The following CFAP299 variants were observed in gnomAD, a reference collection of about 807,000 sequenced individuals.
The protein encoded by CFAP299 is cilia- and flagella-associated protein 299.
Under a neutral mutation model 27.0 loss-of-function variants are expected in CFAP299, and 21 were observed. The ratio of observed to expected loss-of-function variants is 0.78; its 90% CI spans 0.55 to 1.12. The LOEUF is 1.12. CFAP299 is among the 50% of genes most tolerant of loss of function. The probability of loss-of-function intolerance (pLI) is 0.00; values close to 1 mark genes in which losing one functional copy is unlikely to be tolerated. For missense variants in CFAP299, 310 were observed against 276.6 expected (o/e 1.12, Z -0.86); for synonymous variants, 104 against 98.1 (o/e 1.06, Z -0.36).
chr4:80,439,081 A>T (rs1470078844), intron 2 of CFAP299, among the ~76,000 whole-genome samples: 1 of 152,234 alleles, frequency 6.6e-6, no homozygotes, highest in African/African-American at 2.4e-5. Flanking sequence ...TAGCGAAGAC[A>T]CTATACTGTT....
At chr4:80,484,418 C>T (rs1242974465) in intron 2 of CFAP299, among the ~76,000 whole-genome samples, 1 of 152,098 alleles carries the variant, frequency 6.6e-6, no homozygotes, top group Non-Finnish European at 1.5e-5. Context: ...TAATTAACTT[C>T]TATCAAAGAA....
intron 3 of CFAP299, among the ~76,000 whole-genome samples, chr4:80,686,343 C>G (rs966716487): frequency 3.3e-5 from 5 of 152,160 alleles, no homozygotes; most frequent in African/African-American, 7.2e-5. Context: ...AAGGGAGGAG[C>G]CTTTGGCTCA....
intron 2 of CFAP299, among the ~76,000 whole-genome samples, chr4:80,394,063 G>A (rs1373617060): frequency 6.6e-6 from 1 of 152,058 alleles, no homozygotes; most frequent in African/African-American, 2.4e-5. Flanking sequence ...TCTCTTTCCT[G>A]TTGCCTTGTG....
At chr4:80,386,207 C>A in intron 2 of CFAP299, 1 of 940,358 alleles carries the variant, frequency 1.1e-6, no homozygotes, top group Non-Finnish European at 1.6e-6. Context: ...TAGATGAGCA[C>A]AGCGAGCATG....
intron 2 of CFAP299, among the ~76,000 whole-genome samples, chr4:80,512,323 G>T (rs1732349879): frequency 6.6e-6 from 1 of 151,956 alleles, no homozygotes; most frequent in Admixed American, 6.6e-5. Context: ...TTCCCACTAA[G>T]CTGAAGCAAG....
chr4:80,438,911 T>C (rs988388574), intron 2 of CFAP299, among the ~76,000 whole-genome samples: 4 of 152,236 alleles, frequency 2.6e-5, no homozygotes, highest in Non-Finnish European at 5.9e-5. Context: ...TTTTTGATTA[T>C]TGGATTTATA....
chr4:80,434,202 G>C (rs917382394), intron 2 of CFAP299, among the ~76,000 whole-genome samples: 6 of 152,012 alleles, frequency 3.9e-5, no homozygotes, highest in Admixed American at 3.3e-4. Context: ...TACAAATATT[G>C]GTTCACAATA....
intron 2 of CFAP299, among the ~76,000 whole-genome samples, chr4:80,391,213 A>T (rs866679306): frequency 6.6e-6 from 1 of 152,104 alleles, no homozygotes; most frequent in African/African-American, 2.4e-5. Context: ...TCAACATGAT[A>T]ATTTCATTTC....
intron 5 of CFAP299, among the ~76,000 whole-genome samples, chr4:80,946,051 G>A (rs1737455335): frequency 6.6e-6 from 1 of 150,752 alleles, no homozygotes; most frequent in South Asian, 2.1e-4. Context: ...TATTCAGCAG[G>A]CTGAGGCAGG....
chr4:80,327,467 C>T, the CFAP299 span, among the ~76,000 whole-genome samples: 398 of 151,632 alleles, frequency 2.6e-3, 3 homozygotes, highest in South Asian at 0.018. Flanking sequence ...AGGATTTAAA[C>T]GGGAGAGTGA....
At chr4:80,529,580 T>C (rs182170290) in intron 2 of CFAP299, among the ~76,000 whole-genome samples, 1 of 152,304 alleles carries the variant, frequency 6.6e-6, no homozygotes, top group Non-Finnish European at 1.5e-5. Flanking sequence ...GTCCTCTGAG[T>C]GGCTACCATA....
intron 3 of CFAP299, among the ~76,000 whole-genome samples, chr4:80,695,426 C>T (rs1366014002): frequency 2.0e-5 from 3 of 152,146 alleles, no homozygotes; most frequent in Non-Finnish European, 4.4e-5. Flanking sequence ...TTGCCATTTT[C>T]AATAGATACC....
intron 3 of CFAP299, among the ~76,000 whole-genome samples, chr4:80,734,399 T>A (rs779460219): frequency 4.6e-5 from 7 of 152,156 alleles, no homozygotes; most frequent in Non-Finnish European, 7.4e-5. Context: ...GCAAATGGGT[T>A]CTCTCATTCT....
chr4:80,701,948 T>G (rs1578037709), intron 3 of CFAP299, among the ~76,000 whole-genome samples: 1 of 151,896 alleles, frequency 6.6e-6, no homozygotes, highest in East Asian at 1.9e-4. Context: ...TCTTTGTATG[T>G]GGCCAGGTTT....
intron 3 of CFAP299, among the ~76,000 whole-genome samples, chr4:80,587,939 G>A (rs1287918827): frequency 1.4e-5 from 2 of 144,800 alleles, no homozygotes; most frequent in African/African-American, 5.8e-5. Flanking sequence ...GCAGAGCATA[G>A]GATGCCAATT....
At chr4:80,782,630 TATATA>T (rs1355233405) in intron 3 of CFAP299, among the ~76,000 whole-genome samples, 12 of 106,558 alleles carry the variant, frequency 1.1e-4, no homozygotes, top group African/African-American at 4.1e-4. Context: ...AATATATTCA[TATATA>T]ATATACATAT....
intron 3 of CFAP299, among the ~76,000 whole-genome samples, chr4:80,618,057 T>G (rs990744189): frequency 6.6e-6 from 1 of 152,164 alleles, no homozygotes; most frequent in Non-Finnish European, 1.5e-5. Context: ...TATGGTCATT[T>G]GCATACCGCA....
intron 3 of CFAP299, among the ~76,000 whole-genome samples, chr4:80,587,964 T>G (rs538435881): frequency 6.6e-6 from 1 of 151,198 alleles, no homozygotes; most frequent in East Asian, 1.9e-4. Context: ...TGCAAGCGAT[T>G]TATTGAGAAA....
intron 4 of CFAP299, among the ~76,000 whole-genome samples, chr4:80,877,070 A>T (rs758911651): frequency 3.9e-5 from 6 of 152,148 alleles, no homozygotes; most frequent in Non-Finnish European, 8.8e-5. Flanking sequence ...GAACAGAATT[A>T]AAAGTGACCT....
Sources: gnomAD v4.1 joint callset for allele counts (sites outside exome capture counted in the v4.1 genomes callset) on GRCh38, gnomAD v4.1.1 for gene constraint, MANE v1.5 for transcripts, NCBI Gene and HGNC (gene_info 2026-07-23, HGNC 2026-07-21) for gene names.